Variants in FDFT1 observed in about 807,000 individuals in gnomAD.
FDFT1 encodes the protein squalene synthase.
A neutral mutation model predicts 46.8 loss-of-function variants in FDFT1; 68 were observed. That is an observed-to-expected ratio of 1.45 (90% CI 1.19 to 1.78). The LOEUF is 1.78. FDFT1 is among the 40% of genes most tolerant of loss of function. The pLI, the probability that FDFT1 is intolerant of heterozygous loss-of-function variation, is 0.00. For synonymous variants in FDFT1, 351 were observed against 185.1 expected, an observed-to-expected ratio of 1.90 and a Z score of -7.28; for missense variants, 928 against 524.4, an observed-to-expected ratio of 1.77 and a Z score of -7.52.
At chr8:11,799,457 T>G (rs1805884809), upstream of FDFT1, among the ~76,000 whole-genome samples, 1 of 152,230 alleles carries the variant, frequency 6.6e-6, no homozygotes, top group African/African-American at 2.4e-5. Flanking sequence ...ACTTCACCAT[T>G]GCCTGCATGG....
chr8:11,825,692 AAAAATAAAAAAT>A (rs1195307224), intron 4 of FDFT1, among the ~76,000 whole-genome samples: 1 of 150,910 alleles, frequency 6.6e-6, no homozygotes, highest in Admixed American at 6.6e-5. Context: ...ATCTCAAAAA[AAAAATAAAAAAT>A]AAAAATAAAA....
At chr8:11,818,111 G>A (rs948295293) in intron 3 of FDFT1, among the ~76,000 whole-genome samples, 5 of 152,092 alleles carry the variant, frequency 3.3e-5, no homozygotes, top group Non-Finnish European at 2.9e-5. Context: ...CTTTCATTTC[G>A]TTATGTACCC....
intron 4 of FDFT1, among the ~76,000 whole-genome samples, chr8:11,825,697 T>C (rs4079376): frequency 1.4e-5 from 2 of 140,210 alleles, no homozygotes; most frequent in African/African-American, 5.3e-5. Context: ...AAAAAAAAAA[T>C]AAAAAATAAA....
upstream of FDFT1, chr8:11,802,669 C>A: frequency 1.6e-6 from 1 of 627,662 alleles, no homozygotes; most frequent in Non-Finnish European, 2.8e-6. Context: ...GCGGCCGAGG[C>A]CGGTTGAAGT....
chr8:11,816,306 C>T (rs1360068069), intron 3 of FDFT1, among the ~76,000 whole-genome samples: 2 of 152,288 alleles, frequency 1.3e-5, no homozygotes, highest in East Asian at 1.9e-4. Flanking sequence ...TAGCGTGATG[C>T]CTCCAGCTTT....
At chr8:11,822,820 A>C (rs1809447338) in intron 4 of FDFT1, among the ~76,000 whole-genome samples, 1 of 152,212 alleles carries the variant, frequency 6.6e-6, no homozygotes, top group Non-Finnish European at 1.5e-5. Context: ...CATCTGAAAG[A>C]AAATAAAGTT....
chr8:11,831,398 A>G, intron 6 of FDFT1, 120 bp from the exon 7 acceptor site: 1 of 814,364 alleles, frequency 1.2e-6, no homozygotes, highest in South Asian at 1.7e-5. Flanking sequence ...GAGCGATTCC[A>G]TCTTAGTTGA....
At chr8:11,814,477 C>T (rs1320335104) in intron 3 of FDFT1, among the ~76,000 whole-genome samples, 11 of 151,992 alleles carry the variant, frequency 7.2e-5, no homozygotes, top group East Asian at 1.9e-4. Context: ...AAACACAGAC[C>T]AGGTATATTG....
upstream of FDFT1, chr8:11,802,668 G>A: frequency 3.2e-6 from 2 of 625,800 alleles, no homozygotes; most frequent in East Asian, 5.6e-5. Context: ...GGCGGCCGAG[G>A]CCGGTTGAAG....
chr8:11,823,377 C>G (rs141242787), intron 4 of FDFT1, among the ~76,000 whole-genome samples: 2,091 of 152,192 alleles, frequency 0.014, 53 homozygotes, highest in African/African-American at 0.047. Context: ...TATAGATATA[C>G]TAATTTTTTT....
intron 3 of FDFT1, among the ~76,000 whole-genome samples, chr8:11,813,419 A>G (rs1224322427): frequency 2.0e-5 from 3 of 152,338 alleles, no homozygotes; most frequent in Middle Eastern, 3.4e-3. Context: ...TATTTGATCT[A>G]TAACATCGTT....
chr8:11,827,889 A>C (rs1486385590), intron 5 of FDFT1, among the ~76,000 whole-genome samples: 55 of 149,070 alleles, frequency 3.7e-4, no homozygotes, highest in African/African-American at 1.3e-3. Context: ...ACAAAACAAA[A>C]CAAAACAAAA....
At chr8:11,828,934 T>G (rs1022191073) in intron 5 of FDFT1, among the ~76,000 whole-genome samples, 1 of 152,334 alleles carries the variant, frequency 6.6e-6, no homozygotes, top group African/African-American at 2.4e-5. Flanking sequence ...TCTTCCCATT[T>G]TTTTTGGCTA....
chr8:11,815,580 G>T (rs986372082), intron 3 of FDFT1, among the ~76,000 whole-genome samples: 1 of 152,160 alleles, frequency 6.6e-6, no homozygotes, highest in Non-Finnish European at 1.5e-5. Flanking sequence ...GCTTGAGATG[G>T]TATCTCATTG....
intron 7 of FDFT1, 40 bp from the exon 8 acceptor site, chr8:11,838,348 A>G (rs751693384): frequency 4.7e-6 from 7 of 1,497,358 alleles, no homozygotes; most frequent in Non-Finnish European, 6.5e-6. Context: ...GAAAATGTAA[A>G]GCACATAGCA....
intron 3 of FDFT1, among the ~76,000 whole-genome samples, chr8:11,817,743 G>A (rs1382024869): frequency 6.6e-6 from 1 of 151,914 alleles, no homozygotes; most frequent in African/African-American, 2.4e-5. Flanking sequence ...ACGTCTTTTT[G>A]ATTCTTCTGT....
chr8:11,834,430 T>C (rs1293320), intron 7 of FDFT1, among the ~76,000 whole-genome samples: 1 of 151,920 alleles, frequency 6.6e-6, no homozygotes, highest in Non-Finnish European at 1.5e-5. Flanking sequence ...GCAGGGAGAA[T>C]CTTGTTCGTG....
At chr8:11,809,087 G>A in intron 2 of FDFT1, 196 bp downstream of exon 2, 2 of 1,273,414 alleles carry the variant, frequency 1.6e-6, no homozygotes, top group Non-Finnish European at 2.0e-6. Flanking sequence ...AGTCCCTGCG[G>A]GCCCAGCCTT....
upstream of FDFT1, among the ~76,000 whole-genome samples, chr8:11,801,054 TGA>T (rs1188887550): frequency 1.3e-5 from 2 of 152,100 alleles, no homozygotes; most frequent in Non-Finnish European, 1.5e-5. Flanking sequence ...GGTGGAAATG[TGA>T]GAGAGGGCAA....
Sources: gnomAD v4.1 joint callset for allele counts (sites outside exome capture counted in the v4.1 genomes callset) on GRCh38, gnomAD v4.1.1 for gene constraint, MANE v1.5 for transcripts, NCBI Gene and HGNC (gene_info 2026-07-23, HGNC 2026-07-21) for gene names.